The following ASTN1 variants were observed in gnomAD, a reference collection of about 807,000 sequenced individuals.
ASTN1 encodes the protein astrotactin-1.
ASTN1 carries 41 observed loss-of-function variants against 140.7 expected under a neutral mutation model. That is an observed-to-expected ratio of 0.29 (90% CI 0.23 to 0.38). ASTN1 has a LOEUF of 0.38. Ranked by LOEUF, ASTN1 falls within the 10% of genes least tolerant of loss-of-function variation. ASTN1 has a pLI of 1.00. For synonymous variants in ASTN1, 640 were observed against 652.2 expected (o/e 0.98, Z 0.29); for missense variants, 1,479 against 1,678.8 (o/e 0.88, Z 2.08).
chr1:177,013,413 A>T (rs1164320882), intron 8 of ASTN1, among the ~76,000 whole-genome samples: 1 of 152,336 alleles, frequency 6.6e-6, no homozygotes, highest in African/African-American at 2.4e-5. Context: ...TGACTTAGTC[A>T]TCAGCTGGCT....
At chr1:177,124,633 G>A (rs556907588) in intron 1 of ASTN1, among the ~76,000 whole-genome samples, 4 of 152,128 alleles carry the variant, frequency 2.6e-5, no homozygotes, top group Admixed American at 2.0e-4. Flanking sequence ...ACTGCCCAGA[G>A]GAACAAAGAA....
chr1:176,931,798 G>A (rs1231191673), intron 16 of ASTN1, among the ~76,000 whole-genome samples: 1 of 152,230 alleles, frequency 6.6e-6, no homozygotes, highest in African/African-American at 2.4e-5. Context: ...CACCTTGAGT[G>A]CTTACCATGT....
intron 14 of ASTN1, among the ~76,000 whole-genome samples, chr1:176,939,862 G>A (rs1050609292): frequency 2.2e-5 from 3 of 137,638 alleles, no homozygotes; most frequent in African/African-American, 9.4e-5. Flanking sequence ...AGGAAGGAAG[G>A]GAGGGAGGGA....
At chr1:176,869,086 TAC>T (rs1375099263) in intron 21 of ASTN1, 59 bp from the exon 22 acceptor site, 8 of 1,184,992 alleles carry the variant, frequency 6.8e-6, no homozygotes, top group African/African-American at 1.6e-5. Context: ...TGTATATATA[TAC>T]ACACATTATA....
At chr1:177,023,351 G>A (rs1377763113) in intron 7 of ASTN1, 53 bp downstream of exon 7, 6 of 1,519,850 alleles carry the variant, frequency 3.9e-6, no homozygotes, top group Non-Finnish European at 5.3e-6. Flanking sequence ...GGGAGTGATT[G>A]CAAGAGGCAT....
chr1:177,131,580 T>TA (rs1681944186), intron 1 of ASTN1, among the ~76,000 whole-genome samples: 1 of 151,946 alleles, frequency 6.6e-6, no homozygotes, highest in Non-Finnish European at 1.5e-5. Flanking sequence ...ATTAAATTTT[T>TA]AAATGAAAAA....
intron 13 of ASTN1, among the ~76,000 whole-genome samples, chr1:176,944,570 T>C (rs1245203901): frequency 6.6e-6 from 1 of 152,196 alleles, no homozygotes; most frequent in Non-Finnish European, 1.5e-5. Flanking sequence ...GGCCTCCCAA[T>C]GTAAAATTCT....
intron 1 of ASTN1, among the ~76,000 whole-genome samples, chr1:177,099,966 T>C (rs1680220564): frequency 6.6e-6 from 1 of 152,204 alleles, no homozygotes; most frequent in African/African-American, 2.4e-5. Context: ...GATGGGCTCT[T>C]ACACGTCAGG....
At chr1:177,135,659 T>C (rs991183428) in intron 1 of ASTN1, among the ~76,000 whole-genome samples, 2 of 152,142 alleles carry the variant, frequency 1.3e-5, no homozygotes, top group Non-Finnish European at 2.9e-5. Context: ...GGCTTGGATG[T>C]CTGTTCACCA....
intron 14 of ASTN1, among the ~76,000 whole-genome samples, chr1:176,943,012 A>G (rs1017776350): frequency 3.3e-5 from 5 of 150,790 alleles, no homozygotes; most frequent in Non-Finnish European, 5.9e-5. Context: ...ATTAACTGAG[A>G]CCTGTCTCAG....
chr1:177,133,262 C>T (rs1374542860), intron 1 of ASTN1, among the ~76,000 whole-genome samples: 2 of 152,154 alleles, frequency 1.3e-5, no homozygotes, highest in South Asian at 2.1e-4. Flanking sequence ...AAAAGAAAAT[C>T]GAGGATCAGA....
intron 1 of ASTN1, among the ~76,000 whole-genome samples, chr1:177,153,660 A>C (rs964555428): frequency 1.3e-5 from 2 of 152,194 alleles, no homozygotes; most frequent in Non-Finnish European, 2.9e-5. Flanking sequence ...AAGGTACAGA[A>C]GTCAAAAAGA....
At chr1:176,984,100 G>A (rs1265648222) in intron 8 of ASTN1, among the ~76,000 whole-genome samples, 1 of 152,220 alleles carries the variant, frequency 6.6e-6, no homozygotes, top group African/African-American at 2.4e-5. Context: ...AGCAGTGGAG[G>A]CTGTCCTCCA....
intron 21 of ASTN1, among the ~76,000 whole-genome samples, chr1:176,872,194 CT>C (rs34749674): frequency 0.064 from 9,288 of 145,178 alleles, 344 homozygotes; most frequent in Non-Finnish European, 0.089. Flanking sequence ...AATGTCAAAC[CT>C]TTTTTTTTTT....
intron 18 of ASTN1, among the ~76,000 whole-genome samples, chr1:176,885,398 T>C (rs1232850568): frequency 1.3e-5 from 2 of 152,202 alleles, no homozygotes; most frequent in Non-Finnish European, 2.9e-5. Context: ...TGGTTTCAAT[T>C]CACAGCCACC....
chr1:177,148,201 A>G (rs1454703824), intron 1 of ASTN1, among the ~76,000 whole-genome samples: 2 of 151,960 alleles, frequency 1.3e-5, no homozygotes, highest in African/African-American at 4.8e-5. Context: ...GGCGGATCAC[A>G]AGGTCAGGAG....
At chr1:176,955,151 C>G (rs1016959153) in intron 11 of ASTN1, among the ~76,000 whole-genome samples, 4 of 152,132 alleles carry the variant, frequency 2.6e-5, no homozygotes, top group African/African-American at 9.7e-5. Flanking sequence ...TCTTGGGAAG[C>G]CTTTCAGTTC....
chr1:176,998,925 G>C (rs1237817942), intron 8 of ASTN1, among the ~76,000 whole-genome samples: 2 of 152,212 alleles, frequency 1.3e-5, no homozygotes, highest in African/African-American at 4.8e-5. Context: ...AAACTTCCTT[G>C]TGCCTTAGTT....
At chr1:176,973,693 C>G (rs540091982) in intron 8 of ASTN1, among the ~76,000 whole-genome samples, 1 of 152,174 alleles carries the variant, frequency 6.6e-6, no homozygotes, top group Non-Finnish European at 1.5e-5. Flanking sequence ...TGTGCTTCCT[C>G]AATAACTGAG....
Sources: gnomAD v4.1 joint callset for allele counts (sites outside exome capture counted in the v4.1 genomes callset) on GRCh38, gnomAD v4.1.1 for gene constraint, MANE v1.5 for transcripts, NCBI Gene and HGNC (gene_info 2026-07-23, HGNC 2026-07-21) for gene names.